PRLR: variants seen among roughly 807,000 people sequenced by gnomAD.
PRLR encodes prolactin receptor.
Under a neutral mutation model 40.2 loss-of-function variants are expected in PRLR, and 13 were observed. The observed-to-expected ratio is 0.32, with a 90% CI of 0.21 to 0.51. The LOEUF (loss-of-function observed/expected upper bound fraction) is 0.51. PRLR is among the 20% of genes least tolerant of loss of function. PRLR has a pLI of 0.97. For missense variants in PRLR, 656 were observed against 747.3 expected (o/e 0.88, Z 1.42); for synonymous variants, 269 against 278.7 (o/e 0.97, Z 0.35).
At chr5:35,137,431 G>A (rs1773893625) in intron 1 of PRLR, among the ~76,000 whole-genome samples, 1 of 152,222 alleles carries the variant, frequency 6.6e-6, no homozygotes. Flanking sequence ...CATGCAGTGA[G>A]TTTCAGCCAT....
In PRLR at chr5:35,201,710, T is replaced by A. The variant is rs1775887929; in HGVS notation, c.-106+28558A>T. On this transcript the variant is annotated intron_variant, in intron 1 of 9. Coordinates refer to ENST00000618457, the MANE Select transcript of PRLR (RefSeq NM_000949.7). ...AGATACTTTTAGTTCTCTTCTCTTCTCTTCTCCTCTCCTCTTTTCTTCTGT... is the reference window on the plus strand; with the variant it reads ...AGATACTTTTAGTTCTCTTCTCTTCACTTCTCCTCTCCTCTTTTCTTCTGT... Among the ~76,000 whole-genome samples the A allele has an allele frequency of 4.6e-5, 7 of 152,156 alleles. No individual in the cohort carries two copies. In the South Asian group the frequency reaches 1.4e-3, roughly 31 times the overall value.
At chr5:35,068,150 G>T in intron 9 of PRLR, 66 bp downstream of exon 9, 2 of 1,387,772 alleles carry the variant, frequency 1.4e-6, no homozygotes, top group African/African-American at 1.4e-5. Flanking sequence ...GACTGTGTGT[G>T]AGTGTGTAGA....
chr5:35,076,207 GAGA>G (rs1316510303), intron 5 of PRLR, among the ~76,000 whole-genome samples: 1 of 152,236 alleles, frequency 6.6e-6, no homozygotes, highest in Non-Finnish European at 1.5e-5. Context: ...GACGAGCTGA[GAGA>G]AGAAGGCTTC....
chr5:35,132,535 C>A (rs972866375), intron 1 of PRLR, among the ~76,000 whole-genome samples: 4 of 152,156 alleles, frequency 2.6e-5, no homozygotes, highest in Admixed American at 2.6e-4. Flanking sequence ...TTACTAATTT[C>A]TTGGTATCAA....
At chr5:35,212,375 A>T (rs961979165) in intron 1 of PRLR, among the ~76,000 whole-genome samples, 2 of 152,258 alleles carry the variant, frequency 1.3e-5, no homozygotes, top group Admixed American at 6.5e-5. Context: ...CTACTAAGAA[A>T]CATGAAATTG....
intron 1 of PRLR, among the ~76,000 whole-genome samples, chr5:35,219,182 T>C (rs1776357562): frequency 6.6e-6 from 1 of 152,196 alleles, no homozygotes; most frequent in African/African-American, 2.4e-5. Flanking sequence ...TGTCTCCTAG[T>C]GGTACCTTGG....
At chr5:35,135,981 A>G (rs1157164720) in intron 1 of PRLR, among the ~76,000 whole-genome samples, 1 of 152,234 alleles carries the variant, frequency 6.6e-6, no homozygotes, top group African/African-American at 2.4e-5. Flanking sequence ...GAACTGGGAA[A>G]TATGGCCACG....
intron 1 of PRLR, among the ~76,000 whole-genome samples, chr5:35,152,048 C>T (rs1774358290): frequency 6.6e-6 from 1 of 152,130 alleles, no homozygotes; most frequent in Admixed American, 6.5e-5. Context: ...GGGTACATAA[C>T]AAAGTAAGAT....
At chr5:35,098,946 T>C (rs947208854) in intron 2 of PRLR, among the ~76,000 whole-genome samples, 3 of 152,170 alleles carry the variant, frequency 2.0e-5, no homozygotes, top group African/African-American at 4.8e-5. Flanking sequence ...GGAGAATCTT[T>C]GGAGCTTGAG....
At chr5:35,215,147 A>G (rs185754078) in intron 1 of PRLR, among the ~76,000 whole-genome samples, 1 of 152,268 alleles carries the variant, frequency 6.6e-6, no homozygotes, top group Admixed American at 6.5e-5. Flanking sequence ...CCTTGCCCCA[A>G]TATCTTGTCT....
intron 1 of PRLR, among the ~76,000 whole-genome samples, chr5:35,123,983 T>C (rs1469367299): frequency 6.6e-6 from 1 of 152,074 alleles, no homozygotes; most frequent in Non-Finnish European, 1.5e-5. Context: ...TGGGGGAAGA[T>C]GTCAGAGGAA....
intron 1 of PRLR, among the ~76,000 whole-genome samples, chr5:35,188,325 C>T (rs752180195): frequency 2.0e-5 from 3 of 152,194 alleles, no homozygotes; most frequent in Admixed American, 1.3e-4. Flanking sequence ...TGATTCTAAT[C>T]GGTGAGCAAA....
At chr5:35,100,316 T>G (rs1354213807) in intron 2 of PRLR, among the ~76,000 whole-genome samples, 1 of 151,944 alleles carries the variant, frequency 6.6e-6, no homozygotes, top group Non-Finnish European at 1.5e-5. Flanking sequence ...GTACAGTGTA[T>G]ATAAAGTCCA....
intron 2 of PRLR, among the ~76,000 whole-genome samples, chr5:35,093,523 G>A (rs1771351263): frequency 1.3e-5 from 2 of 152,076 alleles, no homozygotes; most frequent in Non-Finnish European, 2.9e-5. Context: ...CTTCTACTCA[G>A]GTTTTTGACT....
chr5:35,177,097 T>A (rs1034600491), intron 1 of PRLR, among the ~76,000 whole-genome samples: 8 of 152,196 alleles, frequency 5.3e-5, no homozygotes, highest in Non-Finnish European at 8.8e-5. Flanking sequence ...TTTGTTCACG[T>A]GTTTGTCTGC....
At chr5:35,054,724 A>G (rs1421117903), downstream of PRLR, among the ~76,000 whole-genome samples, 2 of 152,182 alleles carry the variant, frequency 1.3e-5, no homozygotes, top group Admixed American at 6.6e-5. Context: ...AGCTATTTGT[A>G]TCTCAAAAAC....
At chr5:35,227,416 G>A (rs1312018782) in intron 1 of PRLR, among the ~76,000 whole-genome samples, 3 of 152,148 alleles carry the variant, frequency 2.0e-5, no homozygotes, top group East Asian at 1.9e-4. Flanking sequence ...GTTGGGGGGT[G>A]TATGTACATT....
Position 35,141,247 on chromosome 5 carries a change from AC to A in PRLR, c.-105-23126del, listed in dbSNP as rs541745010. On this transcript the variant is annotated intron_variant, in intron 1 of 9. Transcript: ENST00000618457. Reference sequence around the variant, plus strand: ...ATTCCTTAATACCTGAAAAAAAAAAACAAACCCCTAATGTGCTTAAGTCCTT... The same window carrying A: ...ATTCCTTAATACCTGAAAAAAAAAAAAAACCCCTAATGTGCTTAAGTCCTT... 1.2e-3 allele frequency among the ~76,000 whole-genome samples: 176 copies of A among 151,824 alleles called. 1 individual carries two copies. In the East Asian group the frequency reaches 0.018, roughly 16 times the overall value.
intron 9 of PRLR, among the ~76,000 whole-genome samples, chr5:35,066,830 C>T (rs1199383985): frequency 2.2e-5 from 3 of 137,010 alleles, no homozygotes; most frequent in Admixed American, 7.9e-5. Context: ...GTGGCATGAT[C>T]TCGGATCACT....
Sources: allele counts gnomAD v4.1 joint callset (sites outside exome capture counted in the v4.1 genomes callset), GRCh38; gene constraint gnomAD v4.1.1; transcripts MANE v1.5; gene names NCBI Gene and HGNC (gene_info 2026-07-23, HGNC 2026-07-21).